The following DPP10 variants were observed in gnomAD, a reference collection of about 807,000 sequenced individuals.
The protein encoded by DPP10 is inactive dipeptidyl peptidase 10.
DPP10 carries 33 observed loss-of-function variants against 120.9 expected under a neutral mutation model. That is an observed-to-expected ratio of 0.27 (90% confidence interval 0.21 to 0.37). The LOEUF is 0.37. DPP10 is among the 10% of genes least tolerant of loss of function. The probability of loss-of-function intolerance (pLI) is 1.00; values close to 1 mark genes in which losing one functional copy is unlikely to be tolerated. For synonymous variants in DPP10, 337 were observed against 326.1 expected (o/e 1.03, Z -0.36); for missense variants, 816 against 942.8 (o/e 0.87, Z 1.76).
At chr2:114,775,048 A>T (rs1036224331) in intron 1 of DPP10, among the ~76,000 whole-genome samples, 5 of 152,076 alleles carry the variant, frequency 3.3e-5, no homozygotes, top group African/African-American at 1.2e-4. Context: ...CAGAGATGGA[A>T]TTTGACCTCA....
chr2:114,596,465 C>G (rs1433722945), intron 1 of DPP10, among the ~76,000 whole-genome samples: 2 of 151,988 alleles, frequency 1.3e-5, no homozygotes, highest in African/African-American at 4.8e-5. Flanking sequence ...CTGTAATAAC[C>G]AGAAGTAACA....
At chr2:114,566,935 CAGAA>C (rs1451694326) in intron 1 of DPP10, among the ~76,000 whole-genome samples, 1 of 152,196 alleles carries the variant, frequency 6.6e-6, no homozygotes, top group African/African-American at 2.4e-5. Context: ...TCTTCATACT[CAGAA>C]GCATCAAAAA....
rs959304379 is a variant in DPP10, at chr2:115,316,560, AGT to A, written c.175+7210_175+7211del. ...CAGAAGTGGGAAGTTGAAAATCGTA[AGT>A]GTAAATTCTGTATGTATTTTTATTT... On this transcript the variant is annotated intron_variant, in intron 2 of 25. Coordinates refer to ENST00000410059, the MANE Select transcript of DPP10 (RefSeq NM_020868.6). 7.2e-5 allele frequency among the ~76,000 whole-genome samples: 11 copies of A among 152,244 alleles called. No individual in the cohort carries two copies. In the East Asian group the frequency reaches 1.9e-3, roughly 27 times the overall value.
At chr2:114,815,340 C>G (rs894863649) in intron 1 of DPP10, among the ~76,000 whole-genome samples, 1 of 152,128 alleles carries the variant, frequency 6.6e-6, no homozygotes, top group Non-Finnish European at 1.5e-5. Context: ...GAGCCAAGCA[C>G]TCATGTACTA....
intron 3 of DPP10, among the ~76,000 whole-genome samples, chr2:115,364,401 C>G (rs2106367049): frequency 6.6e-6 from 1 of 152,130 alleles, no homozygotes; most frequent in South Asian, 2.1e-4. Flanking sequence ...TTTTACCCTC[C>G]AAGACTTGCC....
At chr2:115,728,035 A>G in intron 8 of DPP10, 99 bp downstream of exon 8, 2 of 1,346,646 alleles carry the variant, frequency 1.5e-6, no homozygotes, top group Non-Finnish European at 2.0e-6. Context: ...TACTTACAGT[A>G]CAGTTTCTTC....
chr2:115,369,627 A>G (rs1317285927), intron 3 of DPP10, among the ~76,000 whole-genome samples: 1 of 152,106 alleles, frequency 6.6e-6, no homozygotes, highest in East Asian at 1.9e-4. Flanking sequence ...GAAGTATAAC[A>G]GCGGAAAGAT....
At chr2:115,413,546 T>G (rs1018348717) in intron 3 of DPP10, among the ~76,000 whole-genome samples, 2 of 152,212 alleles carry the variant, frequency 1.3e-5, no homozygotes, top group African/African-American at 4.8e-5. Context: ...ACTTTTGTCA[T>G]CAGGATAATA....
At chr2:115,598,001 A>G (rs2083090806) in intron 5 of DPP10, among the ~76,000 whole-genome samples, 1 of 152,014 alleles carries the variant, frequency 6.6e-6, no homozygotes, top group East Asian at 1.9e-4. Flanking sequence ...CCCTTTTATC[A>G]TTATGAAATA....
At chr2:115,255,094 T>C (rs2058925083) in intron 1 of DPP10, among the ~76,000 whole-genome samples, 2 of 152,344 alleles carry the variant, frequency 1.3e-5, no homozygotes, top group Non-Finnish European at 1.5e-5. Flanking sequence ...AGGTTCTCCA[T>C]GAAGGCTCTG....
chr2:114,663,244 G>A (rs7592436), intron 1 of DPP10, among the ~76,000 whole-genome samples: 45,500 of 144,726 alleles, frequency 0.31, 10,135 homozygotes, highest in African/African-American at 0.62. Context: ...CCTTGTGTGT[G>A]TATATATATA....
chr2:114,770,230 T>C (rs915471868), intron 1 of DPP10, among the ~76,000 whole-genome samples: 1 of 152,008 alleles, frequency 6.6e-6, no homozygotes, highest in Non-Finnish European at 1.5e-5. Context: ...GGAAGAGGGA[T>C]CAGGGTTCTA....
chr2:115,416,615 C>G (rs974604077), intron 3 of DPP10, among the ~76,000 whole-genome samples: 5 of 152,060 alleles, frequency 3.3e-5, no homozygotes, highest in Non-Finnish European at 5.9e-5. Context: ...AGAGGAGGAG[C>G]TAGGAAAATC....
chr2:114,961,589 A>G (rs894266939), intron 1 of DPP10, among the ~76,000 whole-genome samples: 1 of 152,018 alleles, frequency 6.6e-6, no homozygotes, highest in Non-Finnish European at 1.5e-5. Context: ...TTTGTGTTTG[A>G]GAGTGTTTGT....
chr2:114,635,559 CG>C (rs1209711497), intron 1 of DPP10, among the ~76,000 whole-genome samples: 2 of 151,858 alleles, frequency 1.3e-5, no homozygotes, highest in African/African-American at 4.9e-5. Context: ...ATTATTCAAT[CG>C]TTTTTTTCTG....
In DPP10 at chr2:114,876,060, C is replaced by T. The variant is rs377536066; in HGVS notation, c.61-433179C>T. 1.8e-4 allele frequency among the ~76,000 whole-genome samples: 28 copies of T among 151,998 alleles called. No individual in the cohort carries two copies. The East Asian group carries it at 4.3e-3, about 23-fold the overall frequency. On this transcript the variant is annotated intron_variant, in intron 1 of 25. Transcript: ENST00000410059. The stretch of plus-strand genomic sequence containing the variant: ...TGCAAACTACGGATAAAGTAAATGA[C>T]TGTTCAAATATTTGACAAGCACTTT...
chr2:115,593,587 G>A (rs1419485597), intron 5 of DPP10, among the ~76,000 whole-genome samples: 2 of 150,550 alleles, frequency 1.3e-5, no homozygotes, highest in Non-Finnish European at 3.0e-5. Flanking sequence ...ATAAAAAAAT[G>A]TTAGTTTGGA....
chr2:114,908,393 A>C (rs1278043884), intron 1 of DPP10, among the ~76,000 whole-genome samples: 3 of 151,756 alleles, frequency 2.0e-5, no homozygotes, highest in African/African-American at 7.2e-5. Flanking sequence ...CTGTTCCCCC[A>C]TACTATTTTT....
At chr2:114,906,392 A>C (rs905109112) in intron 1 of DPP10, among the ~76,000 whole-genome samples, 1 of 151,976 alleles carries the variant, frequency 6.6e-6, no homozygotes, top group Non-Finnish European at 1.5e-5. Flanking sequence ...CAAAAAAAAA[A>C]AAAAAGAAAA....
Sources: gnomAD v4.1 joint callset for allele counts (sites outside exome capture counted in the v4.1 genomes callset) on GRCh38, gnomAD v4.1.1 for gene constraint, MANE v1.5 for transcripts, NCBI Gene and HGNC (gene_info 2026-07-23, HGNC 2026-07-21) for gene names.